Variants in CDH20 observed in about 807,000 individuals in gnomAD.
CDH20 encodes the protein cadherin-20.
In CDH20, 29 loss-of-function variants were observed where a neutral mutation model predicts 74.2. The ratio of observed to expected loss-of-function variants is 0.39; its 90% confidence interval spans 0.29 to 0.53. The LOEUF (loss-of-function observed/expected upper bound fraction) is 0.53, where lower values mean the gene tolerates loss of function less well. Among genes scored for constraint, CDH20 ranks in the 20% least tolerant of loss-of-function variants. CDH20 has a pLI of 0.69. For missense variants in CDH20, 988 were observed against 1,048.3 expected (o/e 0.94, Z 0.79); for synonymous variants, 469 against 405.4 (o/e 1.16, Z -1.88).
In CDH20 at chr18:61,546,937, C is replaced by G. The variant is rs116936774; in HGVS notation, c.1648+1793C>G. Among the ~76,000 whole-genome samples, 543 of 152,318 alleles carry G rather than the reference C, an allele frequency of 3.6e-3. 4 individuals are homozygous for G. In the East Asian group the frequency reaches 0.064, roughly 18 times the overall value. ...TAGGCACAGTGGCTCATGCCTGTTA[C>G]TCCAACACTTTGGGAGGCTGAGGCA... On this transcript the variant is annotated intron_variant, in intron 10 of 11. Transcript: ENST00000262717.
intron 11 of CDH20, among the ~76,000 whole-genome samples, chr18:61,551,220 T>C (rs545880020): frequency 1.3e-5 from 2 of 151,458 alleles, no homozygotes; most frequent in Middle Eastern, 3.4e-3. Context: ...AAAAAGAAAG[T>C]ATCTGTACAT....
chr18:61,436,136 G>A (rs1908827970), intron 1 of CDH20, among the ~76,000 whole-genome samples: 1 of 152,116 alleles, frequency 6.6e-6, no homozygotes, highest in Admixed American at 6.5e-5. Context: ...ATTCAATTAT[G>A]TGGCTATAGC....
chr18:61,543,778 A>G (rs1305866718), intron 9 of CDH20, among the ~76,000 whole-genome samples: 1 of 152,164 alleles, frequency 6.6e-6, no homozygotes, highest in Non-Finnish European at 1.5e-5. Flanking sequence ...GACATGGCCA[A>G]TGCCAATGGG....
chr18:61,468,441 T>C lies in CDH20; in HGVS notation c.-152-21961T>C, dbSNP rs189417026. 3.9e-5 allele frequency among the ~76,000 whole-genome samples: 6 copies of C among 152,260 alleles called. No individual in the cohort carries two copies. The East Asian group carries it at 1.2e-3, about 29-fold the overall frequency. ...ATGTGTAGGTGTGTGAGTGTGTGTG[T>C]TTGGGGAGGGGAAGGACATACTGCT... is the stretch of plus-strand genomic sequence containing the variant. On this transcript the variant is annotated intron_variant, in intron 1 of 11. Coordinates refer to ENST00000262717, the MANE Select transcript of CDH20 (RefSeq NM_031891.4).
intron 1 of CDH20, among the ~76,000 whole-genome samples, chr18:61,342,828 T>G (rs994038001): frequency 6.6e-6 from 1 of 152,226 alleles, no homozygotes; most frequent in Non-Finnish European, 1.5e-5. Context: ...CCACATTATA[T>G]ATGATTTGTA....
At chr18:61,376,460 C>A (rs372604989) in intron 1 of CDH20, among the ~76,000 whole-genome samples, 223 of 152,134 alleles carry the variant, frequency 1.5e-3, no homozygotes, top group African/African-American at 5.0e-3. Flanking sequence ...AAATGGAGAG[C>A]TTCTTAGATG....
At chr18:61,511,680 GTCTATTACC>G (rs1416371514) in intron 6 of CDH20, among the ~76,000 whole-genome samples, 1 of 152,106 alleles carries the variant, frequency 6.6e-6, no homozygotes, top group Non-Finnish European at 1.5e-5. Flanking sequence ...GTTTTAAAAA[GTCTATTACC>G]TGTAACAACT....
chr18:61,402,953 C>T (rs1291007172), intron 1 of CDH20, among the ~76,000 whole-genome samples: 1 of 152,156 alleles, frequency 6.6e-6, no homozygotes, highest in Admixed American at 6.5e-5. Context: ...AGTCCTAACC[C>T]TTGTGAAATA....
chr18:61,498,447 G>A (rs186374591), intron 2 of CDH20, among the ~76,000 whole-genome samples: 1 of 150,120 alleles, frequency 6.7e-6, no homozygotes, highest in African/African-American at 2.4e-5. Context: ...AAATATAGCT[G>A]CATGGTCAGA....
At chr18:61,482,062 A>G (rs897140633) in intron 1 of CDH20, among the ~76,000 whole-genome samples, 3 of 151,970 alleles carry the variant, frequency 2.0e-5, no homozygotes, top group African/African-American at 7.2e-5. Flanking sequence ...AAATTTTACC[A>G]GGTTAGCCAC....
chr18:61,369,435 A>G (rs1910961265), intron 1 of CDH20, among the ~76,000 whole-genome samples: 1 of 152,152 alleles, frequency 6.6e-6, no homozygotes, highest in Non-Finnish European at 1.5e-5. Context: ...TAATCTAAAA[A>G]TACCCAGCTT....
chr18:61,420,059 A>G (rs1912823616), intron 1 of CDH20, among the ~76,000 whole-genome samples: 1 of 152,192 alleles, frequency 6.6e-6, no homozygotes, highest in Admixed American at 6.5e-5. Context: ...ATATTTTGGT[A>G]GTGACCTCAC....
chr18:61,481,294 A>G lies in CDH20; in HGVS notation c.-152-9108A>G, dbSNP rs371182400. ...GGGAAACATGTAGGAAGTTAAAAAT[A>G]CATATATATTTTCAACTTAATCTAT... is the stretch of plus-strand genomic sequence containing the variant. On this transcript the variant is annotated intron_variant, in intron 1 of 11. Transcript: ENST00000262717. Among the ~76,000 whole-genome samples, 16 of 152,354 alleles carry G rather than the reference A, an allele frequency of 1.1e-4. No individual in the cohort carries two copies. In the East Asian group the frequency reaches 1.9e-3, roughly 18 times the overall value.
chr18:61,366,410 G>A (rs1910862374), intron 1 of CDH20, among the ~76,000 whole-genome samples: 1 of 152,022 alleles, frequency 6.6e-6, no homozygotes, highest in South Asian at 2.1e-4. Flanking sequence ...AAGTACATCA[G>A]TTACATAGTT....
At chr18:61,452,453 G>T (rs1265166963) in intron 1 of CDH20, among the ~76,000 whole-genome samples, 4 of 152,130 alleles carry the variant, frequency 2.6e-5, no homozygotes, top group East Asian at 3.9e-4. Context: ...CCTAGAAATT[G>T]ATTGTGTTTA....
At chr18:61,373,231 C>A (rs753993183) in intron 1 of CDH20, among the ~76,000 whole-genome samples, 72 of 150,410 alleles carry the variant, frequency 4.8e-4, no homozygotes, top group Non-Finnish European at 7.2e-4. Context: ...CTTATATTTT[C>A]CCCCTACCCC....
intron 6 of CDH20, among the ~76,000 whole-genome samples, chr18:61,527,701 G>T (rs973460500): frequency 6.6e-6 from 1 of 152,096 alleles, no homozygotes; most frequent in Non-Finnish European, 1.5e-5. Flanking sequence ...GAATAAACGG[G>T]CAAACTATTA....
chr18:61,411,580 G>GTGTATATATA (rs1385732655), intron 1 of CDH20, among the ~76,000 whole-genome samples: 4 of 149,956 alleles, frequency 2.7e-5, no homozygotes, highest in African/African-American at 9.9e-5. Context: ...GTGTGTGTGT[G>GTGTATATATA]TATATATATA....
chr18:61,391,285 C>A (rs536318567), intron 1 of CDH20, among the ~76,000 whole-genome samples: 1 of 151,900 alleles, frequency 6.6e-6, no homozygotes, highest in African/African-American at 2.4e-5. Context: ...TACCTATTAG[C>A]CAGCTAAAAT....
Sources: allele counts gnomAD v4.1 joint callset (sites outside exome capture counted in the v4.1 genomes callset), GRCh38; gene constraint gnomAD v4.1.1; transcripts MANE v1.5; gene names NCBI Gene and HGNC (gene_info 2026-07-23, HGNC 2026-07-21).